Variants in CCDC110 observed in about 807,000 individuals in gnomAD.
CCDC110 encodes the protein coiled-coil domain containing 110.
CCDC110 carries 70 observed loss-of-function variants against 77.1 expected under a neutral mutation model. The observed-to-expected ratio is 0.91, with a 90% confidence interval of 0.75 to 1.11. The LOEUF (loss-of-function observed/expected upper bound fraction) is 1.11. Ranked by LOEUF, CCDC110 falls within the 50% of genes least tolerant of loss-of-function variation. CCDC110 has a pLI of 0.00. For synonymous variants in CCDC110, 295 were observed against 312.5 expected (o/e 0.94, Z 0.59); for missense variants, 868 against 942.9 (o/e 0.92, Z 1.04).
In CCDC110 at chr4:185,459,087, G is replaced by A. The variant is rs771804862; in HGVS notation, c.1500C>T (p.Tyr500=). 3.8e-6 allele frequency: 6 copies of A among 1,580,486 alleles called. No homozygotes were observed. In the South Asian group the frequency reaches 6.9e-5, roughly 18 times the overall value. ...TAAATTCTTTAAGACACTCTTTGCT[G>A]TATTCTTCTGTTTTACTTAACTTAG... ...IQSKLSKTEE[Y]SKECLKEFKK... The change falls in exon 6 of 7, where the codon TAC becomes TAT. Residue 500 remains tyrosine, a synonymous_variant. Coordinates refer to ENST00000307588, the MANE Select transcript of CCDC110 (RefSeq NM_152775.4).
chr4:185,471,662 T>TCCA lies in CCDC110; in HGVS notation c.10+9_10+11dup, dbSNP rs767815192. The TCCA allele has an allele frequency of 4.5e-6, 7 of 1,563,600 alleles. No homozygotes were observed. The South Asian group carries it at 8.3e-5, about 19-fold the overall frequency. The stretch of plus-strand genomic sequence containing the variant: ...CGGCTCCCCTAGGAGCCCCGCCCCG[T>TCCA]CCAACTCTTACCCGGGCTCATCGCC... On this transcript the variant is annotated intron_variant, in intron 1 of 6. Transcript: ENST00000307588.
chr4:185,460,174 G>C lies in CCDC110; in HGVS notation c.413C>G (p.Thr138Arg). 26 of 1,611,668 alleles carry C rather than the reference G, an allele frequency of 1.6e-5. No individual in the cohort carries two copies. The highest frequency in any genetic ancestry group is 2.2e-5 in the Non-Finnish European group (26 of 1,179,772). The change falls in exon 6 of 7, where the codon ACA (threonine) becomes AGA (arginine). Residue 138 changes from threonine to arginine, a missense_variant. Thr to Arg is a moderately conservative substitution (Grantham distance 71). Transcript: ENST00000307588. ...EKSHHFEDSKTLHSVEEKLSG... is the reference protein window; with the variant it reads ...EKSHHFEDSKRLHSVEEKLSG... ...TAATTTTTCTTCCACTGAATGAAGT[G>C]TCTTGGAATCCTCAAAATGATGACT...
At chr4:185,450,524 G>T (rs1561151919) in intron 6 of CCDC110, among the ~76,000 whole-genome samples, 1 of 152,154 alleles carries the variant, frequency 6.6e-6, no homozygotes, top group Non-Finnish European at 1.5e-5. Flanking sequence ...TGAGTCGGGT[G>T]GATCACAAGG....
At chr4:185,457,688 G>A in intron 6 of CCDC110, 2 of 888,462 alleles carry the variant, frequency 2.3e-6, no homozygotes, top group East Asian at 6.1e-5. Context: ...CCAGGTTAAT[G>A]TAATCACATA....
chr4:185,457,787 A>T, intron 6 of CCDC110: 2 of 1,453,020 alleles, frequency 1.4e-6, no homozygotes, highest in Non-Finnish European at 1.8e-6. Flanking sequence ...TCTTGGATGG[A>T]AGCAAATGAT....
Position 185,468,365 on chromosome 4 carries a change from G to C in CCDC110, c.115+2580C>G, listed in dbSNP as rs2095659896. 6.6e-6 allele frequency among the ~76,000 whole-genome samples: 1 copy of C among 152,196 alleles called. No individual in the cohort carries two copies. The highest frequency in any genetic ancestry group is 1.5e-5 in the Non-Finnish European group (1 of 68,048). On this transcript the variant is annotated intron_variant, in intron 2 of 6. Transcript: ENST00000307588. This position sits in a 1 kb window ranked among gnomAD's most constrained non-coding sequence, Gnocchi z 4.5. Reference sequence around the variant, plus strand: ...AGAGACACTAACTCATTACTGCAGAGGCAATATGATGATAATTTGGTAAAT... The same window carrying C: ...AGAGACACTAACTCATTACTGCAGACGCAATATGATGATAATTTGGTAAAT...
chr4:185,446,603 G>C (rs1382181313), intron 6 of CCDC110, among the ~76,000 whole-genome samples: 1 of 151,926 alleles, frequency 6.6e-6, no homozygotes, highest in East Asian at 1.9e-4. Context: ...TATCAATCAG[G>C]GACTACCTAG....
In CCDC110 at chr4:185,458,296, A is replaced by G; in HGVS notation, c.2291T>C (p.Met764Thr). 1 of 1,595,684 alleles carries G rather than the reference A, an allele frequency of 6.3e-7. No homozygotes were observed. The highest frequency in any genetic ancestry group is 8.5e-7 in the Non-Finnish European group (1 of 1,175,046). ...ENERDTLEFE[M>T]RHLQREYLSL... ...TAAATATTCTCGTTGAAGATGCCGC[A>G]TCTCAAATTCCAAGGTATCCCTTTC... is the stretch of plus-strand genomic sequence containing the variant. The change falls in exon 6 of 7, where the codon ATG becomes ACG. Residue 764 changes from methionine to threonine, a missense_variant. Met to Thr is a moderately conservative substitution (Grantham distance 81). Transcript: ENST00000307588.
Position 185,471,687 on chromosome 4 carries a change from C to T in CCDC110, c.-4G>A, listed in dbSNP as rs752192143. 1.3e-6 allele frequency: 2 copies of T among 1,548,854 alleles called. No individual in the cohort carries two copies. The highest frequency in any genetic ancestry group is 1.7e-6 in the Non-Finnish European group (2 of 1,151,660). On this transcript the variant is annotated 5_prime_UTR_variant, in exon 1 of 7. Transcript: ENST00000307588. ...TCCAACTCTTACCCGGGCTCATCGC[C>T]GCGGCTCATCTCTCTCGCAACCGCC... is the stretch of plus-strand genomic sequence containing the variant.
chr4:185,449,494 G>A (rs1434031072), intron 6 of CCDC110: 2 of 711,736 alleles, frequency 2.8e-6, no homozygotes, highest in Non-Finnish European at 4.6e-6. Context: ...CTGCACTCCA[G>A]CCTGGGCAAC....
chr4:185,462,664 C>G lies in CCDC110; in HGVS notation c.216G>C (p.Gln72His). 6.8e-6 allele frequency: 11 copies of G among 1,613,858 alleles called. No homozygotes were observed. Among genetic ancestry groups the G allele is most frequent in the Non-Finnish European group, 9.3e-6 (11 of 1,179,732 alleles). ...ATACCATGCTGACATTCTGCAAAGT[C>G]TGCATTCGCAAAGCCTGAAATGATT... The part of the protein sequence containing the change: ...QLESFQALRM[Q>H]TLQNVSMVQS... The change falls in exon 4 of 7, where the codon CAG (glutamine) becomes CAC (histidine). Residue 72 changes from glutamine (Q) to histidine (H), a missense_variant. Transcript: ENST00000307588.
chr4:185,465,385 A>G (rs1369188915), intron 2 of CCDC110, among the ~76,000 whole-genome samples: 1 of 152,264 alleles, frequency 6.6e-6, no homozygotes, highest in African/African-American at 2.4e-5. Context: ...TAAATCAAAG[A>G]TTTCAAAGAA....
Position 185,458,554 on chromosome 4 carries a change from T to C in CCDC110, c.2033A>G (p.Gln678Arg). 1 of 1,607,652 alleles carries C rather than the reference T, an allele frequency of 6.2e-7. No homozygotes were observed. The highest frequency in any genetic ancestry group is 8.5e-7 in the Non-Finnish European group (1 of 1,179,238). Residue 678 changes from glutamine to arginine, a missense_variant, in exon 6 of 7, where the codon CAA becomes CGA. By Grantham distance (43) the Gln-to-Arg change is conservative. Coordinates refer to ENST00000307588, the MANE Select transcript of CCDC110 (RefSeq NM_152775.4). Reference protein sequence around the residue: ...YQSTAEENFLQEIKNAKSEAS... With the variant: ...YQSTAEENFLREIKNAKSEAS... The stretch of plus-strand genomic sequence containing the variant: ...TTCTGATTTTGCATTTTTTATTTCT[T>C]GCAGAAAATTCTCTTCGGCAGTAGA...
chr4:185,471,089 T>C (rs2095665470), intron 1 of CCDC110, 40 bp from the exon 2 acceptor site: 4 of 556,688 alleles, frequency 7.2e-6, no homozygotes, highest in African/African-American at 1.1e-4. Context: ...TCGCGGGTCG[T>C]GGCGTGGCGG....
At chr4:185,457,866 T>A in intron 6 of CCDC110, 1 of 1,063,950 alleles carries the variant, frequency 9.4e-7, no homozygotes, top group Non-Finnish European at 1.3e-6. Flanking sequence ...ACTTATACTT[T>A]AAAATAATAA....
rs752897080 is a variant in CCDC110, at chr4:185,458,728, T to C, written c.1859A>G (p.Glu620Gly). ...QLEIIQLKEKERLAKTEQETL... is the reference protein window; with the variant it reads ...QLEIIQLKEKGRLAKTEQETL... Reference sequence around the variant, plus strand: ...CTCTTGTTCCGTTTTTGCCAATCTTTCTTTCTCTTTTAGCTGGATTATCTC... The same window carrying C: ...CTCTTGTTCCGTTTTTGCCAATCTTCCTTTCTCTTTTAGCTGGATTATCTC... The change falls in exon 6 of 7, where the codon GAA (glutamate) becomes GGA (glycine). Residue 620 changes from glutamate to glycine, a missense_variant. Coordinates refer to ENST00000307588, the MANE Select transcript of CCDC110 (RefSeq NM_152775.4). 57 of 1,604,836 alleles carry C rather than the reference T, an allele frequency of 3.6e-5. No homozygotes were observed. Among genetic ancestry groups the C allele is most frequent in the Non-Finnish European group, 4.2e-5 (50 of 1,178,008 alleles).
At chr4:185,455,573 A>G (rs536422072) in intron 6 of CCDC110, among the ~76,000 whole-genome samples, 119 of 152,278 alleles carry the variant, frequency 7.8e-4, no homozygotes, top group African/African-American at 2.7e-3. Context: ...TAATAGTGCT[A>G]AATGTGTATG....
intron 6 of CCDC110, among the ~76,000 whole-genome samples, chr4:185,451,241 A>G (rs2095628813): frequency 6.6e-6 from 1 of 152,168 alleles, no homozygotes; most frequent in Non-Finnish European, 1.5e-5. Flanking sequence ...TAAATTATCC[A>G]GTCTTGGGTA....
intron 6 of CCDC110, among the ~76,000 whole-genome samples, chr4:185,450,760 TCTG>T (rs997818850): frequency 2.7e-5 from 3 of 109,582 alleles, no homozygotes; most frequent in African/African-American, 9.0e-5. Context: ...AAAAAAAAAA[TCTG>T]CTCTTAAAAG....
Sources: gnomAD v4.1 joint callset for allele counts (sites outside exome capture counted in the v4.1 genomes callset) on GRCh38, gnomAD v4.1.1 for gene constraint, Gnocchi (gnomAD v3.1) non-coding constraint, MANE v1.5 for transcripts, NCBI Gene and HGNC (gene_info 2026-07-23, HGNC 2026-07-21) for gene names.